The following ZNF333 variants were observed in gnomAD, a reference collection of about 807,000 sequenced individuals.
The protein encoded by ZNF333 is zinc finger protein 333.
A neutral mutation model predicts 76.1 loss-of-function variants in ZNF333; 61 were observed. The observed-to-expected ratio is 0.80, with a 90% CI of 0.65 to 0.99. ZNF333 has a LOEUF of 0.99. Ranked by LOEUF, ZNF333 falls within the 50% of genes least tolerant of loss-of-function variation. The pLI, the probability that ZNF333 is intolerant of heterozygous loss-of-function variation, is 0.00. For missense variants in ZNF333, 717 were observed against 822.4 expected, an observed-to-expected ratio of 0.87 and a Z score of 1.57; for synonymous variants, 284 against 305.0, an observed-to-expected ratio of 0.93 and a Z score of 0.72.
At chr19:14,730,350 C>T (rs1023650231) in intron 11 of ZNF333, among the ~76,000 whole-genome samples, 4 of 152,080 alleles carry the variant, frequency 2.6e-5, no homozygotes, top group South Asian at 2.1e-4. Flanking sequence ...CCACCGTGCC[C>T]GGCCACTGTC....
chr19:14,697,326 A>G (rs1040039780), intron 4 of ZNF333, among the ~76,000 whole-genome samples: 15 of 146,764 alleles, frequency 1.0e-4, no homozygotes, highest in African/African-American at 3.3e-4. Flanking sequence ...GTTGCTGTGA[A>G]TGTTTGTGTA....
intron 5 of ZNF333, among the ~76,000 whole-genome samples, chr19:14,703,475 A>G (rs548065340): frequency 6.6e-6 from 1 of 152,216 alleles, no homozygotes; most frequent in African/African-American, 2.4e-5. Context: ...AATGATTCTG[A>G]TGGAAACATT....
At chr19:14,705,204 A>G (rs201745166) in intron 6 of ZNF333, 34 bp downstream of exon 6, 47 of 1,571,408 alleles carry the variant, frequency 3.0e-5, no homozygotes, top group South Asian at 2.0e-4. Flanking sequence ...TGATGGCACC[A>G]GGTGCAGTCA....
intron 4 of ZNF333, among the ~76,000 whole-genome samples, chr19:14,697,885 C>CT (rs902368613): frequency 2.6e-5 from 4 of 152,092 alleles, no homozygotes; most frequent in African/African-American, 9.7e-5. Context: ...TAAATTTAAC[C>CT]TTTTTATGTA....
At chr19:14,694,328 G>C (rs1186493006) in intron 2 of ZNF333, among the ~76,000 whole-genome samples, 1 of 151,994 alleles carries the variant, frequency 6.6e-6, no homozygotes, top group Admixed American at 6.6e-5. Context: ...CAAAAAGTTA[G>C]CTGGGTGTGT....
At chr19:14,731,263 C>A in exon 12 of ZNF333, 1 of 1,389,356 alleles carries the variant, frequency 7.2e-7, no homozygotes, top group Non-Finnish European at 9.9e-7. Flanking sequence ...ATCAAAGGAT[C>A]ACTACTGGGG....
chr19:14,700,483 G>A (rs1051187543), intron 5 of ZNF333: 1 of 152,238 alleles, frequency 6.6e-6, no homozygotes, highest in Admixed American at 6.5e-5. Context: ...GAAAGTTGTT[G>A]GGCATCCTTT....
In ZNF333 at chr19:14,718,699, G is replaced by A. The variant is rs1408323150; in HGVS notation, c.1372G>A (p.Ala458Thr). The change falls in exon 12 of 12, where the codon GCC becomes ACC. Residue 458 changes from alanine to threonine, a missense_variant. By Grantham distance (58) the Ala-to-Thr change is moderately conservative. Coordinates refer to ENST00000292530, the MANE Select transcript of ZNF333 (RefSeq NM_032433.4). ...CTACGAGTGTAAAGATTGTGGGAAA[G>A]CCTTCAATCAGCCATCATCCCTCAG... is the stretch of plus-strand genomic sequence containing the variant. ...KPYECKDCGK[A>T]FNQPSSLRSH... 1 of 1,613,910 alleles carries A rather than the reference G, an allele frequency of 6.2e-7. No individual in the cohort carries two copies. The highest frequency in any genetic ancestry group is 1.3e-5 in the African/African-American group (1 of 74,884).
At chr19:14,704,332 T>C (rs13343430) in intron 5 of ZNF333, among the ~76,000 whole-genome samples, 4,786 of 152,220 alleles carry the variant, frequency 0.031, 244 homozygotes, top group African/African-American at 0.099. Flanking sequence ...TCGTCCAGGC[T>C]GGAGTGCAGT....
intron 7 of ZNF333, 47 bp from the exon 8 acceptor site, chr19:14,715,335 C>G: frequency 6.3e-7 from 1 of 1,580,082 alleles, no homozygotes; most frequent in Non-Finnish European, 8.7e-7. Context: ...GTGAGTGTGC[C>G]CAGTAGGCCA....
downstream of ZNF333, among the ~76,000 whole-genome samples, chr19:14,725,431 A>G (rs1023823140): frequency 3.9e-5 from 6 of 152,144 alleles, no homozygotes; most frequent in African/African-American, 1.4e-4. Context: ...TCCCTTCTAA[A>G]TACCTCCCCA....
Position 14,703,621 on chromosome 19 carries a change from G to T in ZNF333, c.307-1433G>T, listed in dbSNP as rs868251647. The stretch of plus-strand genomic sequence containing the variant: ...CAGGTCCACACAGGGAAGCACCAAG[G>T]TCAGCCTGGAGGCAGAAAGGAGCGA... On this transcript the variant is annotated intron_variant, in intron 5 of 11. Coordinates refer to ENST00000292530, the MANE Select transcript of ZNF333 (RefSeq NM_032433.4). 2.6e-5 allele frequency among the ~76,000 whole-genome samples: 4 copies of T among 152,212 alleles called. 1 individual carries two copies. Among genetic ancestry groups the T allele is most frequent in the African/African-American group, 4.8e-5 (2 of 41,444 alleles).
intron 7 of ZNF333, 59 bp from the exon 8 acceptor site, chr19:14,715,323 C>T (rs1342120499): frequency 3.9e-6 from 6 of 1,526,410 alleles, no homozygotes; most frequent in Non-Finnish European, 5.4e-6. Flanking sequence ...GACTTGGGGC[C>T]TGTGAGTGTG....
chr19:14,711,782 T>TTATTCTTA (rs2042283175), intron 7 of ZNF333, among the ~76,000 whole-genome samples: 1 of 152,140 alleles, frequency 6.6e-6, no homozygotes, highest in Non-Finnish European at 1.5e-5. Flanking sequence ...GACAGGATGG[T>TTATTCTTA]GAAAGGCACC....
Position 14,690,086 on chromosome 19 carries a change from G to C in ZNF333, c.-106G>C, listed in dbSNP as rs1458617342. ...CGCGGCGGCGGCCGACGGCGGCTGA[G>C]CTGTGCTGCGCGGCGCGGCGCGGTG... On this transcript the variant is annotated 5_prime_UTR_variant, in exon 1 of 12. Coordinates refer to ENST00000292530, the MANE Select transcript of ZNF333 (RefSeq NM_032433.4). 6.7e-6 allele frequency: 1 copy of C among 150,268 alleles called. No homozygotes were observed. The highest frequency in any genetic ancestry group is 1.5e-5 in the Non-Finnish European group (1 of 67,258). 9.3% of individuals were successfully genotyped at this position (150,268 alleles called of 1,614,324 possible). A position where few individuals can be genotyped will look rare whatever the true frequency, so the allele number is the denominator to read the frequency against.
chr19:14,691,822 G>A (rs889836669), intron 1 of ZNF333, among the ~76,000 whole-genome samples: 5 of 151,790 alleles, frequency 3.3e-5, no homozygotes, highest in South Asian at 2.1e-4. Context: ...GATTATAGGC[G>A]CCCGCCACCA....
chr19:14,692,972 G>A (rs1377079209), intron 1 of ZNF333, among the ~76,000 whole-genome samples: 3 of 151,078 alleles, frequency 2.0e-5, no homozygotes, highest in Non-Finnish European at 4.4e-5. Context: ...GATTACAGGC[G>A]TTTGCCACCA....
chr19:14,732,368 T>A lies in ZNF333; in HGVS notation c.*1182T>A, dbSNP rs554601942. 3.3e-5 allele frequency: 5 copies of A among 152,342 alleles called. No individual in the cohort carries two copies. In the South Asian group the frequency reaches 1.0e-3, roughly 32 times the overall value. The allele number at this position is 152,342 out of a possible 1,614,324, so 9.4% of individuals were successfully genotyped here. On this transcript the variant is annotated 3_prime_UTR_variant, in exon 12 of 12. Coordinates refer to the ZNF333 transcript ENST00000540689. ...ACATTACAGTATAGGGTAAGCATAC[T>A]TTTATGCACACTGGGAAACCAAAAA...
downstream of ZNF333, among the ~76,000 whole-genome samples, chr19:14,724,772 GA>G: frequency 6.6e-6 from 1 of 152,110 alleles, no homozygotes; most frequent in African/African-American, 2.4e-5. Context: ...GTCTCAAAAA[GA>G]AAAACTTTGT....
Sources: allele counts gnomAD v4.1 joint callset (sites outside exome capture counted in the v4.1 genomes callset), GRCh38; gene constraint gnomAD v4.1.1; transcripts MANE v1.5; gene names NCBI Gene and HGNC (gene_info 2026-07-23, HGNC 2026-07-21).